The following TNRC6B variants were observed in gnomAD, a reference collection of about 807,000 sequenced individuals.
The protein encoded by TNRC6B is trinucleotide repeat-containing gene 6B protein.
In TNRC6B, 52 loss-of-function variants were observed where a neutral mutation model predicts 203.6. The ratio of observed to expected loss-of-function variants is 0.26; its 90% CI spans 0.20 to 0.32. The LOEUF (loss-of-function observed/expected upper bound fraction) is 0.32, where lower values mean the gene tolerates loss of function less well. TNRC6B is among the 10% of genes least tolerant of loss of function. The probability of loss-of-function intolerance (pLI) is 1.00; values close to 1 mark genes in which losing one functional copy is unlikely to be tolerated. For missense variants in TNRC6B, 1,923 were observed against 2,286.2 expected (o/e 0.84, Z 3.24); for synonymous variants, 838 against 845.7 (o/e 0.99, Z 0.16).
At chr22:40,201,029 T>C (rs1215087530) in intron 1 of TNRC6B, among the ~76,000 whole-genome samples, 1 of 152,208 alleles carries the variant, frequency 6.6e-6, no homozygotes, top group Admixed American at 6.5e-5. Context: ...AGAGCTGTTG[T>C]GAGCATCACA....
rs145130956 is a variant in TNRC6B, at chr22:40,295,398, C to T, written c.3709-5057C>T. ...CTGAGGCAGGAGAATCGCTTGAGCCCGAGAGGTGGAGATTGCAGTGAGCTG... is the reference window on the plus strand; with the variant it reads ...CTGAGGCAGGAGAATCGCTTGAGCCTGAGAGGTGGAGATTGCAGTGAGCTG... On this transcript the variant is annotated intron_variant, in intron 12 of 22. Transcript: ENST00000454349. 4.1e-3 allele frequency among the ~76,000 whole-genome samples: 623 copies of T among 150,168 alleles called. 4 individuals carry two copies. Among genetic ancestry groups the T allele is most frequent in the African/African-American group, 0.015 (600 of 40,736 alleles).
At chr22:40,250,092 ACTT>A (rs1389496169) in intron 2 of TNRC6B, among the ~76,000 whole-genome samples, 3 of 152,214 alleles carry the variant, frequency 2.0e-5, no homozygotes, top group Non-Finnish European at 4.4e-5. Flanking sequence ...AAATCATCAG[ACTT>A]CTTCTTTGCT....
At chr22:40,185,989 G>A (rs918771197) in intron 1 of TNRC6B, among the ~76,000 whole-genome samples, 2 of 152,250 alleles carry the variant, frequency 1.3e-5, no homozygotes, top group African/African-American at 4.8e-5. Flanking sequence ...CAATGGAACT[G>A]GTTAGCAGGC....
intron 6 of TNRC6B, among the ~76,000 whole-genome samples, chr22:40,271,208 CTG>C (rs2070558641): frequency 2.0e-5 from 3 of 152,228 alleles, no homozygotes; most frequent in African/African-American, 7.2e-5. Flanking sequence ...GTCTCATTGA[CTG>C]TTGCTAAATT....
At chr22:40,255,080 A>G (rs1443915414) in intron 3 of TNRC6B, among the ~76,000 whole-genome samples, 1 of 152,140 alleles carries the variant, frequency 6.6e-6, no homozygotes, top group Non-Finnish European at 1.5e-5. Context: ...GCTCCCAGGG[A>G]AGGGCTTCCT....
rs112436395 is a variant in TNRC6B, at chr22:40,191,305, G to A, written c.5+13165G>A. On this transcript the variant is annotated intron_variant, in intron 1 of 22. Coordinates refer to ENST00000454349, the MANE Select transcript of TNRC6B (RefSeq NM_001162501.2). ...TGAAGAGTGATCGTGAAGATTCAGT[G>A]AGAACTTGTTTCAGGTGTTTAACAT... Among the ~76,000 whole-genome samples the A allele has an allele frequency of 3.2e-4, 48 of 152,336 alleles. 1 individual carries two copies. The highest frequency in any genetic ancestry group is 1.1e-3 in the African/African-American group (47 of 41,568).
chr22:40,317,050 G>C (rs1203311157), intron 21 of TNRC6B, among the ~76,000 whole-genome samples: 1 of 152,126 alleles, frequency 6.6e-6, no homozygotes, highest in Non-Finnish European at 1.5e-5. Flanking sequence ...ACACCCAAAA[G>C]CTACCTGTTT....
In TNRC6B at chr22:40,330,078, T is replaced by C. The variant is rs1168978544; in HGVS notation, c.*6837T>C. The stretch of plus-strand genomic sequence containing the variant: ...ATAAATAGTGTCCGTTTAAAGCACT[T>C]TGTGCCTCAACTTCATTTTTAAACT... On this transcript the variant is annotated 3_prime_UTR_variant, in exon 23 of 23. Coordinates refer to ENST00000454349, the MANE Select transcript of TNRC6B (RefSeq NM_001162501.2). 6.6e-6 allele frequency: 1 copy of C among 152,246 alleles called. No individual in the cohort carries two copies. Among genetic ancestry groups the C allele is most frequent in the Admixed American group, 6.5e-5 (1 of 15,288 alleles). The allele number at this position is 152,246 out of a possible 1,614,324, so 9.4% of individuals were successfully genotyped here.
chr22:40,132,962 A>AAAAAT (rs2068563491), intron 3 of TNRC6B, among the ~76,000 whole-genome samples: 1 of 118,878 alleles, frequency 8.4e-6, no homozygotes, highest in African/African-American at 3.1e-5. Flanking sequence ...AAAAAAAAAA[A>AAAAAT]AAAAAAAATA....
chr22:40,254,453 A>T (rs1011611183), intron 3 of TNRC6B, among the ~76,000 whole-genome samples: 14 of 152,064 alleles, frequency 9.2e-5, no homozygotes, highest in African/African-American at 3.4e-4. Flanking sequence ...CCAGGAGTTC[A>T]AGGCTGCAGT....
intron 4 of TNRC6B, among the ~76,000 whole-genome samples, chr22:40,164,617 C>T (rs1345143908): frequency 6.7e-6 from 1 of 150,218 alleles, no homozygotes. Flanking sequence ...ACAAAATTAG[C>T]CCAGGCATGG....
At chr22:40,153,557 A>AAAAAC (rs1555885796) in intron 3 of TNRC6B, among the ~76,000 whole-genome samples, 2 of 151,728 alleles carry the variant, frequency 1.3e-5, no homozygotes, top group African/African-American at 4.8e-5. Flanking sequence ...TAGAAAAAAA[A>AAAAAC]AAACAAAAAG....
At chr22:40,198,300 AT>A (rs1344741151) in intron 1 of TNRC6B, among the ~76,000 whole-genome samples, 6 of 152,168 alleles carry the variant, frequency 3.9e-5, no homozygotes, top group Non-Finnish European at 7.4e-5. Context: ...GGCCGTCTGA[AT>A]TATTACAAGT....
rs147143025 is a variant in TNRC6B, at chr22:40,188,925, T to C, written c.5+10785T>C. On this transcript the variant is annotated intron_variant, in intron 1 of 22. Transcript: ENST00000454349. ...AACAAGCTAATTCCAACCCACTAAA[T>C]TGATTTAATGATCACTGAGGGTTGT... 4.6e-5 allele frequency among the ~76,000 whole-genome samples: 7 copies of C among 152,316 alleles called. No individual in the cohort carries two copies. In the East Asian group the frequency reaches 1.3e-3, roughly 29 times the overall value.
chr22:40,162,660 C>T (rs2068881194), intron 4 of TNRC6B, among the ~76,000 whole-genome samples: 1 of 152,034 alleles, frequency 6.6e-6, no homozygotes. Flanking sequence ...CAGTTTTTCC[C>T]CCTTTAAACC....
At chr22:40,309,019 C>T (rs900535459) in intron 16 of TNRC6B, among the ~76,000 whole-genome samples, 1 of 152,180 alleles carries the variant, frequency 6.6e-6, no homozygotes, top group South Asian at 2.1e-4. Context: ...ATAAATTTAT[C>T]GGCTTTAAAA....
chr22:40,075,446 C>T (rs910344041), intron 1 of TNRC6B, among the ~76,000 whole-genome samples: 2 of 151,546 alleles, frequency 1.3e-5, no homozygotes, highest in African/African-American at 4.8e-5. Flanking sequence ...TTAATATGGT[C>T]ACTCCAGCTT....
intron 1 of TNRC6B, among the ~76,000 whole-genome samples, chr22:40,080,456 G>C (rs1387896869): frequency 6.6e-6 from 1 of 152,112 alleles, no homozygotes; most frequent in Non-Finnish European, 1.5e-5. Context: ...CTTTTGTTAA[G>C]CAGTTATCTA....
chr22:40,063,391 G>C (rs2067870448), intron 1 of TNRC6B, among the ~76,000 whole-genome samples: 1 of 152,032 alleles, frequency 6.6e-6, no homozygotes, highest in Non-Finnish European at 1.5e-5. Context: ...AAATTGTTTT[G>C]GCCCTTCTGG....
Sources: allele counts gnomAD v4.1 joint callset (sites outside exome capture counted in the v4.1 genomes callset), GRCh38; gene constraint gnomAD v4.1.1; transcripts MANE v1.5; gene names NCBI Gene and HGNC (gene_info 2026-07-23, HGNC 2026-07-21).